The following MYO1D variants were observed in gnomAD, a reference collection of about 807,000 sequenced individuals.
The protein encoded by MYO1D is unconventional myosin-Id.
Under a neutral mutation model 122.0 loss-of-function variants are expected in MYO1D, and 83 were observed. That is an observed-to-expected ratio of 0.68 (90% confidence interval 0.57 to 0.82). The LOEUF is 0.82. Among genes scored for constraint, MYO1D ranks in the 40% least tolerant of loss-of-function variants. The pLI is 0.00. For missense variants in MYO1D, 1,157 were observed against 1,269.5 expected (o/e 0.91, Z 1.35); for synonymous variants, 464 against 446.9 (o/e 1.04, Z -0.48).
chr17:32,613,832 C>T (rs2087736504), intron 20 of MYO1D, among the ~76,000 whole-genome samples: 1 of 81,722 alleles, frequency 1.2e-5, no homozygotes, highest in African/African-American at 4.4e-5. Context: ...CTCAATATAA[C>T]TCAGTTTATT....
intron 19 of MYO1D, among the ~76,000 whole-genome samples, chr17:32,651,742 C>T (rs2088394031): frequency 6.8e-6 from 1 of 146,322 alleles, no homozygotes; most frequent in South Asian, 2.2e-4. Context: ...GTGGCACGAT[C>T]TCGGCTCACT....
chr17:32,662,691 T>C (rs1298437341), intron 16 of MYO1D, among the ~76,000 whole-genome samples: 1 of 151,434 alleles, frequency 6.6e-6, no homozygotes, highest in East Asian at 1.9e-4. Flanking sequence ...AAAAAAGAGC[T>C]GTGTAAACTT....
chr17:32,732,559 T>C (rs921895368), intron 14 of MYO1D, among the ~76,000 whole-genome samples: 4 of 152,032 alleles, frequency 2.6e-5, no homozygotes, highest in Non-Finnish European at 4.4e-5. Context: ...TGCTGAGAGA[T>C]GAGTAGACAA....
chr17:32,714,158 A>G (rs1345271206), intron 15 of MYO1D, among the ~76,000 whole-genome samples: 1 of 151,814 alleles, frequency 6.6e-6, no homozygotes, highest in Non-Finnish European at 1.5e-5. Context: ...TGTACAAATC[A>G]GCCCATTACC....
At chr17:32,857,873 C>T (rs1468080605) in intron 1 of MYO1D, among the ~76,000 whole-genome samples, 2 of 152,258 alleles carry the variant, frequency 1.3e-5, no homozygotes, top group African/African-American at 2.4e-5. Context: ...ATGCTACTTT[C>T]GGGGGTTACA....
intron 16 of MYO1D, among the ~76,000 whole-genome samples, chr17:32,676,796 T>A (rs2088815942): frequency 6.6e-6 from 1 of 152,150 alleles, no homozygotes; most frequent in Non-Finnish European, 1.5e-5. Flanking sequence ...GATACAATGA[T>A]GTTTTATGAA....
chr17:32,638,893 C>T, intron 19 of MYO1D, 58 bp from the exon 20 acceptor site: 2 of 1,215,938 alleles, frequency 1.6e-6, no homozygotes, highest in Non-Finnish European at 2.4e-6. Flanking sequence ...ATCAAGTTGG[C>T]TGATTGTGAA....
chr17:32,532,423 C>T (rs772860566), intron 21 of MYO1D, among the ~76,000 whole-genome samples: 26 of 152,166 alleles, frequency 1.7e-4, no homozygotes, highest in Non-Finnish European at 2.6e-4. Flanking sequence ...CTTAGTCGGG[C>T]GAATATTAAA....
chr17:32,654,539 A>T lies in MYO1D; in HGVS notation c.2428T>A (p.Leu810Met), dbSNP rs753140048. 6.2e-7 allele frequency: 1 copy of T among 1,614,148 alleles called. No individual in the cohort carries two copies. Among genetic ancestry groups the T allele is most frequent in the South Asian group, 1.1e-5 (1 of 91,062 alleles). ...CCGAGGTCAGCCCTTTGACCCTTCAACATTTCCACGGCTGCAACCTTTGCC... is the reference window on the plus strand; with the variant it reads ...CCGAGGTCAGCCCTTTGACCCTTCATCATTTCCACGGCTGCAACCTTTGCC... The part of the protein sequence containing the change: ...VRAKVAAVEM[L>M]KGQRADLGLQ... Residue 810 changes from leucine (L) to methionine (M), a missense_variant, in exon 18 of 22, where the codon TTG becomes ATG. Transcript: ENST00000318217.
At chr17:32,507,931 C>G (rs1283982925) in intron 21 of MYO1D, among the ~76,000 whole-genome samples, 2 of 138,196 alleles carry the variant, frequency 1.4e-5, no homozygotes, top group Non-Finnish European at 3.0e-5. Flanking sequence ...GAGTCTCGCT[C>G]TGTCGCCCAG....
chr17:32,737,141 A>G (rs1438300031), intron 14 of MYO1D, among the ~76,000 whole-genome samples: 1 of 152,204 alleles, frequency 6.6e-6, no homozygotes, highest in African/African-American at 2.4e-5. Flanking sequence ...AAAAAAGATA[A>G]CGAAGAAGAA....
At chr17:32,833,588 A>ATT (rs1203507775) in intron 1 of MYO1D, among the ~76,000 whole-genome samples, 3 of 152,174 alleles carry the variant, frequency 2.0e-5, no homozygotes, top group Admixed American at 6.5e-5. Context: ...ATGGCACCCC[A>ATT]GGAAAAATGT....
chr17:32,622,212 G>A (rs1279705902), intron 20 of MYO1D, among the ~76,000 whole-genome samples: 2 of 151,922 alleles, frequency 1.3e-5, no homozygotes, highest in South Asian at 4.2e-4. Flanking sequence ...TGTTGTTCTC[G>A]CACATAAACA....
chr17:32,795,984 G>T (rs567568182), intron 1 of MYO1D, among the ~76,000 whole-genome samples: 1 of 152,184 alleles, frequency 6.6e-6, no homozygotes, highest in African/African-American at 2.4e-5. Flanking sequence ...CGCTCTCGGG[G>T]TTCGAACCGA....
intron 1 of MYO1D, among the ~76,000 whole-genome samples, chr17:32,809,037 G>T (rs895728559): frequency 1.3e-5 from 2 of 151,746 alleles, no homozygotes; most frequent in Admixed American, 6.6e-5. Context: ...GTATATTTAG[G>T]GTAGATTTGA....
intron 1 of MYO1D, among the ~76,000 whole-genome samples, chr17:32,844,777 A>C (rs1423548682): frequency 6.6e-5 from 10 of 152,192 alleles, no homozygotes; most frequent in Non-Finnish European, 5.9e-5. Flanking sequence ...ATTTTAAAGT[A>C]ATACTGATGT....
intron 7 of MYO1D, 76 bp from the exon 8 acceptor site, chr17:32,765,157 T>G: frequency 8.2e-7 from 1 of 1,223,314 alleles, no homozygotes; most frequent in East Asian, 2.4e-5. Context: ...AAAATACAAT[T>G]CAGGTGACCT....
At chr17:32,639,114 T>A (rs2088150958) in intron 19 of MYO1D, among the ~76,000 whole-genome samples, 1 of 151,936 alleles carries the variant, frequency 6.6e-6, no homozygotes, top group African/African-American at 2.4e-5. Flanking sequence ...ACCCAGAGAA[T>A]GGGAGAAAAA....
At chr17:32,503,000 T>TC (rs1298947470) in intron 21 of MYO1D, among the ~76,000 whole-genome samples, 2 of 152,208 alleles carry the variant, frequency 1.3e-5, no homozygotes, top group African/African-American at 4.8e-5. Context: ...GACTTTCATC[T>TC]CGTTTCATCT....
Sources: gnomAD v4.1 joint callset for allele counts (sites outside exome capture counted in the v4.1 genomes callset) on GRCh38, gnomAD v4.1.1 for gene constraint, MANE v1.5 for transcripts, NCBI Gene and HGNC (gene_info 2026-07-23, HGNC 2026-07-21) for gene names.